MPRIP: variants seen among roughly 807,000 people sequenced by gnomAD.
The protein encoded by MPRIP is myosin phosphatase Rho-interacting protein.
Under a neutral mutation model 234.9 loss-of-function variants are expected in MPRIP, and 59 were observed. The ratio of observed to expected loss-of-function variants is 0.25; its 90% CI spans 0.20 to 0.31. MPRIP has a LOEUF of 0.31. Among genes scored for constraint, MPRIP ranks in the 10% least tolerant of loss-of-function variants. MPRIP has a pLI of 1.00. For synonymous variants in MPRIP, 1,144 were observed against 1,263.9 expected (o/e 0.91, Z 2.01); for missense variants, 2,436 against 3,071.0 (o/e 0.79, Z 4.89).
At chr17:17,085,712 GACCATCTAGCTAACACGGTGAA>G (rs2089574196) in intron 3 of MPRIP, among the ~76,000 whole-genome samples, 1 of 152,224 alleles carries the variant, frequency 6.6e-6, no homozygotes, top group Non-Finnish European at 1.5e-5. Context: ...AGGAGATCGA[GACCATCTAGCTAACACGGTGAA>G]ACCCCATCTC....
At chr17:17,116,778 G>A (rs1226752366) in intron 3 of MPRIP, among the ~76,000 whole-genome samples, 1 of 152,222 alleles carries the variant, frequency 6.6e-6, no homozygotes, top group Non-Finnish European at 1.5e-5. Flanking sequence ...CTGGGGCCAG[G>A]TGCTGTCAGC....
At chr17:17,093,572 T>A (rs905946122) in intron 3 of MPRIP, among the ~76,000 whole-genome samples, 5 of 152,184 alleles carry the variant, frequency 3.3e-5, no homozygotes, top group African/African-American at 1.2e-4. Context: ...CTCCCTGATA[T>A]ATGTGAAGGT....
chr17:17,123,729 GA>G (rs1234476279), intron 3 of MPRIP, among the ~76,000 whole-genome samples: 1 of 141,462 alleles, frequency 7.1e-6, no homozygotes, highest in South Asian at 2.3e-4. Flanking sequence ...AAAAAAGAAA[GA>G]AAAAACGAAA....
At chr17:17,080,338 A>G (rs2089433637) in intron 3 of MPRIP, among the ~76,000 whole-genome samples, 1 of 152,228 alleles carries the variant, frequency 6.6e-6, no homozygotes, top group South Asian at 2.1e-4. Context: ...GAGTGAGCAG[A>G]CAGCCTGTAG....
At chr17:17,121,532 G>A (rs2090388866) in intron 3 of MPRIP, among the ~76,000 whole-genome samples, 1 of 152,212 alleles carries the variant, frequency 6.6e-6, no homozygotes, top group African/African-American at 2.4e-5. Flanking sequence ...GGTATTCAAG[G>A]GCATGGGCGC....
At chr17:17,151,702 A>G (rs2045607401) in intron 12 of MPRIP, among the ~76,000 whole-genome samples, 1 of 152,238 alleles carries the variant, frequency 6.6e-6, no homozygotes, top group Non-Finnish European at 1.5e-5. Context: ...CACCATGAGT[A>G]ACAAAGACTC....
intron 1 of MPRIP, among the ~76,000 whole-genome samples, chr17:17,070,114 T>C (rs917381949): frequency 2.6e-4 from 40 of 152,230 alleles, no homozygotes; most frequent in African/African-American, 9.4e-4. Flanking sequence ...AAGAAATCTA[T>C]TGTCATTCTG....
At chr17:17,094,087 C>G (rs980399746) in intron 3 of MPRIP, among the ~76,000 whole-genome samples, 1 of 152,170 alleles carries the variant, frequency 6.6e-6, no homozygotes, top group African/African-American at 2.4e-5. Flanking sequence ...CACCTTCTCC[C>G]CCACCTGTTT....
At chr17:17,048,344 A>G (rs1426902027) in intron 1 of MPRIP, among the ~76,000 whole-genome samples, 1 of 152,228 alleles carries the variant, frequency 6.6e-6, no homozygotes, top group Non-Finnish European at 1.5e-5. Context: ...GGTGTGGGCC[A>G]GGACGAGGTC....
intron 3 of MPRIP, among the ~76,000 whole-genome samples, chr17:17,107,013 GA>G (rs2090075643): frequency 6.6e-6 from 1 of 152,320 alleles, no homozygotes; most frequent in African/African-American, 2.4e-5. Context: ...GAAGTCTTTG[GA>G]AGCAGAAAAT....
chr17:17,171,573 A>T, intron 16 of MPRIP, 145 bp from the exon 17 acceptor site: 1 of 978,542 alleles, frequency 1.0e-6, no homozygotes, highest in Non-Finnish European at 1.5e-6. Context: ...GATCCTGTTC[A>T]GGGCGCCCAT....
chr17:17,065,484 AT>A (rs1453591571), intron 1 of MPRIP, among the ~76,000 whole-genome samples: 1 of 151,216 alleles, frequency 6.6e-6, no homozygotes, highest in Non-Finnish European at 1.5e-5. Flanking sequence ...CTTTGTCAAA[AT>A]TGGGCATATT....
chr17:17,079,516 T>C (rs973209486), intron 3 of MPRIP, among the ~76,000 whole-genome samples: 6 of 152,216 alleles, frequency 3.9e-5, no homozygotes, highest in African/African-American at 1.2e-4. Context: ...ACACAGGGAG[T>C]AGCCCTGGGG....
chr17:17,061,387 C>T (rs1216114770), intron 1 of MPRIP, among the ~76,000 whole-genome samples: 1 of 152,232 alleles, frequency 6.6e-6, no homozygotes, highest in Non-Finnish European at 1.5e-5. Flanking sequence ...ATTAAACAGC[C>T]TATTTGCTGT....
At chr17:17,139,135 G>A (rs1191761431) in intron 7 of MPRIP, among the ~76,000 whole-genome samples, 2 of 152,254 alleles carry the variant, frequency 1.3e-5, no homozygotes, top group Non-Finnish European at 2.9e-5. Flanking sequence ...TGCCGAAGAA[G>A]ATGAGGGCCC....
chr17:17,180,412 G>A lies in MPRIP; in HGVS notation c.7206+324G>A, dbSNP rs532215042. ...GTCAGCTGTGCCTGTGTTGTTCCTTGCACATCACTGTTGTGACACTGGTGC... is the reference window on the plus strand; with the variant it reads ...GTCAGCTGTGCCTGTGTTGTTCCTTACACATCACTGTTGTGACACTGGTGC... On this transcript the variant is annotated intron_variant, in intron 23 of 23. Coordinates refer to ENST00000651222, the MANE Select transcript of MPRIP (RefSeq NM_001364716.4). Among the ~76,000 whole-genome samples the A allele has an allele frequency of 2.6e-5, 4 of 152,340 alleles. No individual in the cohort carries two copies. The East Asian group carries it at 7.7e-4, about 29-fold the overall frequency.
intron 5 of MPRIP, among the ~76,000 whole-genome samples, chr17:17,132,520 T>C (rs999601939): frequency 6.6e-6 from 1 of 152,248 alleles, no homozygotes; most frequent in South Asian, 2.1e-4. Flanking sequence ...AGGGTGGGGA[T>C]GGGGGTCCCT....
At chr17:17,060,144 A>G (rs1262974863) in intron 1 of MPRIP, among the ~76,000 whole-genome samples, 1 of 152,150 alleles carries the variant, frequency 6.6e-6, no homozygotes, top group African/African-American at 2.4e-5. Flanking sequence ...TGTGTGCTGC[A>G]GGAGGGTGGT....
chr17:17,110,878 T>C (rs1259030402), intron 3 of MPRIP, among the ~76,000 whole-genome samples: 1 of 152,180 alleles, frequency 6.6e-6, no homozygotes, highest in South Asian at 2.1e-4. Context: ...GGACACTTAA[T>C]GTGATGTGGG....
Sources: allele counts gnomAD v4.1 joint callset (sites outside exome capture counted in the v4.1 genomes callset), GRCh38; gene constraint gnomAD v4.1.1; transcripts MANE v1.5; gene names NCBI Gene and HGNC (gene_info 2026-07-23, HGNC 2026-07-21).